Variants in CLEC4D observed in about 807,000 individuals in gnomAD.
The protein encoded by CLEC4D is C-type (calcium dependent, carbohydrate-recognition domain) lectin, superfamily member 8.
A neutral mutation model predicts 21.1 loss-of-function variants in CLEC4D; 21 were observed. The ratio of observed to expected loss-of-function variants is 1.00; its 90% confidence interval spans 0.71 to 1.43. The LOEUF (loss-of-function observed/expected upper bound fraction) is 1.43. Ranked by LOEUF, CLEC4D falls within the 40% of genes most tolerant of loss-of-function variation. The pLI is 0.00. For synonymous variants in CLEC4D, 85 were observed against 83.1 expected (o/e 1.02, Z -0.12); for missense variants, 289 against 260.7 (o/e 1.11, Z -0.75).
Position 8,513,646 on chromosome 12 carries a change from C to A in CLEC4D, c.-87C>A. On this transcript the variant is annotated 5_prime_UTR_variant, in exon 1 of 6. Transcript: ENST00000299665. ...GATCTCAAGTATTTCTGAATATATTCCCCTATCCACAGAAATATACTCTGG... is the reference window on the plus strand; with the variant it reads ...GATCTCAAGTATTTCTGAATATATTACCCTATCCACAGAAATATACTCTGG... 1.3e-6 allele frequency: 1 copy of A among 745,348 alleles called. No homozygotes were observed. The highest frequency in any genetic ancestry group is 1.6e-5 in the South Asian group (1 of 64,462). The allele number at this position is 745,348 out of a possible 1,614,324, so 46.2% of individuals were successfully genotyped here.
chr12:8,523,146 G>T (rs1484877615), downstream of CLEC4D, among the ~76,000 whole-genome samples: 1 of 152,124 alleles, frequency 6.6e-6, no homozygotes, highest in Non-Finnish European at 1.5e-5. Context: ...CCCCAGCTTT[G>T]TTCTTTTTGC....
chr12:8,520,955 G>A (rs1374118836), intron 5 of CLEC4D, among the ~76,000 whole-genome samples, 169 bp from the exon 6 acceptor site: 2 of 152,126 alleles, frequency 1.3e-5, no homozygotes, highest in African/African-American at 4.8e-5. Context: ...CATTTCAAGT[G>A]CTCAGTAGCT....
rs192405644 is a variant in CLEC4D, at chr12:8,513,647, C to T, written c.-86C>T. ...ATCTCAAGTATTTCTGAATATATTC[C>T]CCTATCCACAGAAATATACTCTGGG... On this transcript the variant is annotated 5_prime_UTR_variant, in exon 1 of 6. Coordinates refer to ENST00000299665, the MANE Select transcript of CLEC4D (RefSeq NM_080387.5). The T allele has an allele frequency of 1.0e-4, 76 of 745,794 alleles. 1 individual carries two copies. The highest frequency in any genetic ancestry group is 9.4e-4 in the Admixed American group (50 of 53,324). 46.2% of individuals were successfully genotyped at this position (745,794 alleles called of 1,614,324 possible).
At chr12:8,517,654 A>G (rs144700241) in intron 2 of CLEC4D, among the ~76,000 whole-genome samples, 58 of 152,272 alleles carry the variant, frequency 3.8e-4, no homozygotes, top group Middle Eastern at 3.4e-3. Flanking sequence ...TCTCCCGTAA[A>G]GAACAAAACG....
At position 8,518,199 on chromosome 12, in the gene CLEC4D, A is replaced by G; in HGVS notation, c.157A>G (p.Thr53Ala). ...HHNFSRCKRGTGVHKLEHHAK... is the reference protein window; with the variant it reads ...HHNFSRCKRGAGVHKLEHHAK... ...CAACTTTTCACGCTGTAAGAGAGGC[A>G]CAGGAGTGCACAAGTTAGAGCACCA... The change falls in exon 3 of 6, where the codon ACA becomes GCA. Residue 53 changes from threonine (T) to alanine (A), a missense_variant. By Grantham distance (58) the Thr-to-Ala change is moderately conservative. Coordinates refer to ENST00000299665, the MANE Select transcript of CLEC4D (RefSeq NM_080387.5). The G allele has an allele frequency of 1.4e-6, 2 of 1,409,062 alleles. No individual in the cohort carries two copies. The highest frequency in any genetic ancestry group is 1.0e-6 in the Non-Finnish European group (1 of 993,120). 87.3% of individuals were successfully genotyped at this position (1,409,062 alleles called of 1,614,324 possible). A position where few individuals can be genotyped will look rare whatever the true frequency, so the allele number is the denominator to read the frequency against.
intron 4 of CLEC4D, among the ~76,000 whole-genome samples, chr12:8,519,608 G>T (rs1940431429): frequency 6.6e-6 from 1 of 152,166 alleles, no homozygotes. Flanking sequence ...TAAATGTTTG[G>T]TTAGTAGGTG....
In CLEC4D at chr12:8,518,465, A is replaced by G. The variant is rs138943638; in HGVS notation, c.232+191A>G. ...CTGTAATCCAGTTAATAACCGGAGAATATAGCTTTACAGATGGATGGGTTA... is the reference window on the plus strand; with the variant it reads ...CTGTAATCCAGTTAATAACCGGAGAGTATAGCTTTACAGATGGATGGGTTA... On this transcript the variant is annotated intron_variant, in intron 3 of 5. Coordinates refer to ENST00000299665, the MANE Select transcript of CLEC4D (RefSeq NM_080387.5). Among the ~76,000 whole-genome samples the G allele has an allele frequency of 6.9e-4, 105 of 152,392 alleles. 4 individuals carry two copies. In the East Asian group the frequency reaches 0.016, roughly 23 times the overall value.
At chr12:8,517,452 C>G (rs1322999153) in intron 2 of CLEC4D, among the ~76,000 whole-genome samples, 1 of 135,294 alleles carries the variant, frequency 7.4e-6, no homozygotes, top group African/African-American at 2.7e-5. Flanking sequence ...CTCCCCCCTC[C>G]CCCCACCCCA....
rs1940468001 is a variant in CLEC4D at position 8,522,291 on chromosome 12, T to C, written c.*1020T>C. 6.6e-6 allele frequency: 1 copy of C among 152,156 alleles called. No homozygotes were observed. The allele number at this position is 152,156 out of a possible 1,614,324, so 9.4% of individuals were successfully genotyped here. ...TGTTTTGACAACCAGAAATTATGCT[T>C]TTCTGGTGCATGAAACATTAATTGC... On this transcript the variant is annotated 3_prime_UTR_variant, in exon 6 of 6. Transcript: ENST00000299665.
rs754447118 is a variant in CLEC4D, at chr12:8,515,308, GT to G, written c.105del (p.Phe35LeufsTer7). 4 of 1,440,148 alleles carry G rather than the reference GT, an allele frequency of 2.8e-6. No individual in the cohort carries two copies. Among genetic ancestry groups the G allele is most frequent in the South Asian group, 1.1e-5 (1 of 87,564 alleles). 89.2% of individuals were successfully genotyped at this position (1,440,148 alleles called of 1,614,324 possible). Reference protein sequence around the residue: ...AVVFILLLSVCFIASCLVTHH... With the variant: ...AVVFILLLSVXFIASCLVTHH... ...GTTTTCATCTTACTTCTCAGTGTCT[GT>G]TTTATTGCAAGTTGTTTGGGTAAGT... is the stretch of plus-strand genomic sequence containing the variant. On this transcript the variant is annotated frameshift_variant, in exon 2 of 6. Coordinates refer to ENST00000299665, the MANE Select transcript of CLEC4D (RefSeq NM_080387.5). LOFTEE classifies it high-confidence loss of function.
rs1202331350 is a variant in CLEC4D at position 8,520,256 on chromosome 12, C to T, written c.415C>T (p.Leu139Phe). Reference sequence around the variant, plus strand: ...TATTATTCAGTTTCTGGATAGACGGCTTTCCTATTTCCTTGGACTTAGAGA... The same window carrying T: ...TATTATTCAGTTTCTGGATAGACGGTTTTCCTATTTCCTTGGACTTAGAGA... ...NFIIQFLDRRLSYFLGLRDEN... is the reference protein window; with the variant it reads ...NFIIQFLDRRFSYFLGLRDEN... The change falls in exon 5 of 6, where the codon CTT (leucine) becomes TTT (phenylalanine). Residue 139 changes from leucine to phenylalanine, a missense_variant. Coordinates refer to ENST00000299665, the MANE Select transcript of CLEC4D (RefSeq NM_080387.5). 1 of 1,613,964 alleles carries T rather than the reference C, an allele frequency of 6.2e-7. No homozygotes were observed. The highest frequency in any genetic ancestry group is 2.2e-5 in the East Asian group (1 of 44,872).
At chr12:8,523,828 C>G (rs1002318464), downstream of CLEC4D, among the ~76,000 whole-genome samples, 5 of 152,130 alleles carry the variant, frequency 3.3e-5, 1 homozygote, top group Admixed American at 6.5e-5. Context: ...GATATATTGG[C>G]TGTGCGTTCG....
At chr12:8,527,596 C>T in the CLEC4D span, among the ~76,000 whole-genome samples, 3 of 152,152 alleles carry the variant, frequency 2.0e-5, no homozygotes, top group South Asian at 2.1e-4. Flanking sequence ...GCTTCCCTTC[C>T]GCCGCCCAGG....
At chr12:8,524,375 CA>C (rs151301905), downstream of CLEC4D, among the ~76,000 whole-genome samples, 10,862 of 151,460 alleles carry the variant, frequency 0.072, 751 homozygotes, top group African/African-American at 0.18. Flanking sequence ...GCCTCTATTT[CA>C]GAGCTCGTAA....
At chr12:8,531,512 T>C in the CLEC4D span, among the ~76,000 whole-genome samples, 1 of 152,220 alleles carries the variant, frequency 6.6e-6, no homozygotes, top group African/African-American at 2.4e-5. Flanking sequence ...GTAACATTCT[T>C]GAACTCAGTA....
chr12:8,520,193 T>A, intron 4 of CLEC4D, 33 bp from the exon 5 acceptor site: 1 of 1,608,752 alleles, frequency 6.2e-7, no homozygotes, highest in Non-Finnish European at 8.5e-7. Context: ...ACCTGATTCA[T>A]GCAACTATAT....
downstream of CLEC4D, among the ~76,000 whole-genome samples, chr12:8,526,021 C>G (rs1283851193): frequency 6.6e-6 from 1 of 152,192 alleles, no homozygotes; most frequent in African/African-American, 2.4e-5. Context: ...GGCCCCCAAT[C>G]TCTTCTGGCT....
chr12:8,529,092 A>C, the CLEC4D span, among the ~76,000 whole-genome samples: 1 of 152,208 alleles, frequency 6.6e-6, no homozygotes, highest in Non-Finnish European at 1.5e-5. Context: ...TAACCTTAAA[A>C]TTACAAAATA....
chr12:8,530,652 A>G, the CLEC4D span, among the ~76,000 whole-genome samples: 4 of 152,156 alleles, frequency 2.6e-5, no homozygotes, highest in African/African-American at 7.2e-5. Context: ...CTCAATTAGG[A>G]TAGTGCTTAA....
Sources: gnomAD v4.1 joint callset for allele counts (sites outside exome capture counted in the v4.1 genomes callset) on GRCh38, gnomAD v4.1.1 for gene constraint, MANE v1.5 for transcripts, NCBI Gene and HGNC (gene_info 2026-07-23, HGNC 2026-07-21) for gene names.